The following ARHGEF19 variants were observed in gnomAD, a reference collection of about 807,000 sequenced individuals.
The protein encoded by ARHGEF19 is Rho guanine nucleotide exchange factor (GEF) 19.
ARHGEF19 carries 92 observed loss-of-function variants against 87.6 expected under a neutral mutation model. The observed-to-expected ratio is 1.05, with a 90% CI of 0.89 to 1.25. The LOEUF (loss-of-function observed/expected upper bound fraction) is 1.25. Ranked by LOEUF, ARHGEF19 falls within the 50% of genes most tolerant of loss-of-function variation. The probability of loss-of-function intolerance (pLI) is 0.00; values close to 1 mark genes in which losing one functional copy is unlikely to be tolerated. For missense variants in ARHGEF19, 1,054 were observed against 1,051.8 expected (o/e 1.00, Z -0.03); for synonymous variants, 438 against 446.2 (o/e 0.98, Z 0.23).
Position 16,206,645 on chromosome 1 carries a change from G to A in ARHGEF19, c.1137+303C>T, listed in dbSNP as rs2100280986. 2.4e-6 allele frequency: 1 copy of A among 409,672 alleles called. No homozygotes were observed. Among genetic ancestry groups the A allele is most frequent in the East Asian group, 4.9e-5 (1 of 20,480 alleles). The allele number at this position is 409,672 out of a possible 1,614,324, so 25.4% of individuals were successfully genotyped here. ...CCGCCTTGTTCCGCGCCCACCAGGC[G>A]TTTGCTCTTCCAATGGTTCCGCTCC... is the stretch of plus-strand genomic sequence containing the variant. On this transcript the variant is annotated intron_variant, in intron 6 of 15. Transcript: ENST00000270747. This position sits in a 1 kb window ranked among gnomAD's most constrained non-coding sequence, Gnocchi z 4.6.
chr1:16,205,360 C>T lies in ARHGEF19; in HGVS notation c.1647G>A (p.Ala549=), dbSNP rs150897805. Residue 549 remains alanine (A), a synonymous_variant, in exon 10 of 16, where the codon GCG becomes GCA. Transcript: ENST00000270747. This position sits in a 1 kb window ranked among gnomAD's most constrained non-coding sequence, Gnocchi z 5.8. ...GCCCTGCCCAGCTCACCTCCTTGAGCGCATTGAAGGCCTTGGTGGCCATGT... is the reference window on the plus strand; with the variant it reads ...GCCCTGCCCAGCTCACCTCCTTGAGTGCATTGAAGGCCTTGGTGGCCATGT... ...DEDMATKAFN[A]LKELVQECNA... The T allele has an allele frequency of 7.4e-5, 120 of 1,613,728 alleles. 1 individual carries two copies. Among genetic ancestry groups the T allele is most frequent in the Middle Eastern group, 4.9e-4 (3 of 6,076 alleles).
At position 16,208,649 on chromosome 1, in the gene ARHGEF19, ACTT is replaced by A. The variant is rs756719819; in HGVS notation, c.403_405del (p.Lys135del). 7.6e-5 allele frequency: 121 copies of A among 1,602,434 alleles called. No individual in the cohort carries two copies. The highest frequency in any genetic ancestry group is 9.6e-5 in the Non-Finnish European group (113 of 1,176,374). On this transcript the variant is annotated inframe_deletion, in exon 2 of 16. Coordinates refer to ENST00000270747, the MANE Select transcript of ARHGEF19 (RefSeq NM_153213.5). Reference sequence around the variant, plus strand: ...CTTCCCCAGGGTGACTCACAGGCAGACTTCTTCTCCGAGCCGTGGCTGGCCCGG... The same window carrying A: ...CTTCCCCAGGGTGACTCACAGGCAGACTTCTCCGAGCCGTGGCTGGCCCGG...
chr1:16,208,618 AC>A, intron 2 of ARHGEF19, 24 bp downstream of exon 2: 1 of 1,572,808 alleles, frequency 6.4e-7, no homozygotes, highest in Non-Finnish European at 8.6e-7. Flanking sequence ...TGGCACCCAC[AC>A]CCGCCTTCCC....
Position 16,207,451 on chromosome 1 carries a change from C to G in ARHGEF19, c.874+71G>C. ...TCCCTACCTCTCAACTCTCCAAACC[C>G]TCTTTTCCCCGTTTCCACACCGCAG... On this transcript the variant is annotated intron_variant, in intron 5 of 15. Transcript: ENST00000270747. The surrounding 1 kb of genome is among the most constrained non-coding windows in gnomAD (Gnocchi z 4.0). The G allele has an allele frequency of 6.3e-7, 1 of 1,583,346 alleles. No homozygotes were observed. The highest frequency in any genetic ancestry group is 1.7e-5 in the Admixed American group (1 of 58,764).
Position 16,206,477 on chromosome 1 carries a change from G to A in ARHGEF19, c.1138-137C>T. 2 of 938,388 alleles carry A rather than the reference G, an allele frequency of 2.1e-6. No homozygotes were observed. The highest frequency in any genetic ancestry group is 3.2e-6 in the Non-Finnish European group (2 of 620,544). The allele number at this position is 938,388 out of a possible 1,614,324, so 58.1% of individuals were successfully genotyped here. On this transcript the variant is annotated intron_variant, in intron 6 of 15. Transcript: ENST00000270747. The surrounding 1 kb of genome is among the most constrained non-coding windows in gnomAD (Gnocchi z 4.6). The stretch of plus-strand genomic sequence containing the variant: ...TAGCCCCACTCCTAATCTGGCGCCG[G>A]GCGGGCCCGGCGACCCACGTCCCGC...
intron 1 of ARHGEF19, among the ~76,000 whole-genome samples, chr1:16,211,801 CAGAA>C (rs2081199126): frequency 6.6e-6 from 1 of 152,204 alleles, no homozygotes; most frequent in Non-Finnish European, 1.5e-5. Context: ...ACAAAAACCT[CAGAA>C]AGAGAACTGG....
intron 14 of ARHGEF19, among the ~76,000 whole-genome samples, chr1:16,201,333 C>A (rs1360609987): frequency 6.6e-6 from 1 of 152,192 alleles, no homozygotes; most frequent in Non-Finnish European, 1.5e-5. Flanking sequence ...AAAGGAAAAA[C>A]CTTTATTCCA....
chr1:16,202,468 G>C lies in ARHGEF19; in HGVS notation c.2014C>G (p.Leu672Val). 2.5e-6 allele frequency: 4 copies of C among 1,614,188 alleles called. No homozygotes were observed. The highest frequency in any genetic ancestry group is 3.4e-6 in the Non-Finnish European group (4 of 1,180,032). The change falls in exon 13 of 16, where the codon CTC (leucine) becomes GTC (valine). Residue 672 changes from leucine (L) to valine (V), a missense_variant. Transcript: ENST00000270747. ...TGCTTCATGTGCTGCCCGTGGAGGA[G>C]CTGGAGGAGGAACACGTGGCCGGGG... ...GIPGHVFLLQ[L>V]LHGQHMKHQF... is the part of the protein sequence containing the mutation.
chr1:16,207,734 C>G lies in ARHGEF19; in HGVS notation c.738G>C (p.Gly246=). The G allele has an allele frequency of 6.2e-7, 1 of 1,613,998 alleles. No homozygotes were observed. The highest frequency in any genetic ancestry group is 8.5e-7 in the Non-Finnish European group (1 of 1,180,016). Residue 246 remains glycine (G), a synonymous_variant, in exon 4 of 16, where the codon GGG becomes GGC. Transcript: ENST00000270747. The surrounding 1 kb of genome is among the most constrained non-coding windows in gnomAD (Gnocchi z 4.0). ...GMEARSVEMS[G]DRVSRPAPGD... is the part of the protein sequence containing the mutation. ...CAGGGGCTGGCCGCGACACCCGGTC[C>G]CCGCTCATCTCTACACTTCGAGCCT...
chr1:16,201,982 TAGGGACC>T (rs558074200), intron 13 of ARHGEF19, 121 bp from the exon 14 acceptor site: 1 of 69,078 alleles, frequency 1.4e-5, no homozygotes. Flanking sequence ...AGGCCTACCC[TAGGGACC>T]CATGTCTGCC....
chr1:16,205,228 A>G lies in ARHGEF19; in HGVS notation c.1657-52T>C, dbSNP rs2081117183. ...GCAGCCCCTCAGCTCCGGCTCCCAG[A>G]GCCCAGCCTCAGACTCTTGCCTGGG... is the stretch of plus-strand genomic sequence containing the variant. On this transcript the variant is annotated intron_variant, in intron 10 of 15. Coordinates refer to ENST00000270747, the MANE Select transcript of ARHGEF19 (RefSeq NM_153213.5). This position sits in a 1 kb window ranked among gnomAD's most constrained non-coding sequence, Gnocchi z 5.8. 6.3e-7 allele frequency: 1 copy of G among 1,594,120 alleles called. No individual in the cohort carries two copies. The highest frequency in any genetic ancestry group is 1.8e-5 in the Admixed American group (1 of 56,152).
At chr1:16,208,569 G>A in intron 2 of ARHGEF19, 74 bp downstream of exon 2, 2 of 1,487,352 alleles carry the variant, frequency 1.3e-6, no homozygotes, top group Admixed American at 5.4e-5. Context: ...GGACATAAAG[G>A]TTAAGGAGCT....
At chr1:16,211,835 T>C (rs1231330640) in intron 1 of ARHGEF19, among the ~76,000 whole-genome samples, 1 of 152,140 alleles carries the variant, frequency 6.6e-6, no homozygotes, top group Admixed American at 6.5e-5. Flanking sequence ...GCAGGGACAT[T>C]ACCTTCCCAA....
At chr1:16,211,219 G>T (rs2081194181) in intron 1 of ARHGEF19, among the ~76,000 whole-genome samples, 1 of 152,254 alleles carries the variant, frequency 6.6e-6, no homozygotes, top group East Asian at 1.9e-4. Flanking sequence ...AGATGAAGGA[G>T]TGAGGCTGAG....
chr1:16,205,657 G>A lies in ARHGEF19; in HGVS notation c.1462C>T (p.Pro488Ser), dbSNP rs2081123567. Residue 488 changes from proline to serine, a missense_variant, in exon 9 of 16, where the codon CCC (proline) becomes TCC (serine). Pro to Ser is a moderately conservative substitution (Grantham distance 74, BLOSUM62 -1). Transcript: ENST00000270747. The surrounding 1 kb of genome is among the most constrained non-coding windows in gnomAD (Gnocchi z 5.8). ...CGAGCCAGGATGCCAGGGAACCTGG[G>A]GTTCTCCAGGCTGGAAAATGGGGAG... ...RTYQRLLLEN[P>S]RFPGILARLE... 6 of 1,608,738 alleles carry A rather than the reference G, an allele frequency of 3.7e-6. No individual in the cohort carries two copies. The highest frequency in any genetic ancestry group is 5.1e-6 in the Non-Finnish European group (6 of 1,178,136).
Position 16,207,112 on chromosome 1 carries a change from C to T in ARHGEF19, c.973G>A (p.Glu325Lys), listed in dbSNP as rs765092083. The T allele has an allele frequency of 1.3e-6, 2 of 1,517,170 alleles. No individual in the cohort carries two copies. Among genetic ancestry groups the T allele is most frequent in the South Asian group, 1.2e-5 (1 of 81,370 alleles). The allele number at this position is 1,517,170 out of a possible 1,614,324, so 94.0% of individuals were successfully genotyped here. A position where few individuals can be genotyped will look rare whatever the true frequency, so the allele number is the denominator to read the frequency against. The part of the protein sequence containing the change: ...EGPGDEAEGA[E>K]EGPGPPRANL... ...GCCCGCGGCGGCCCCGGCCCCTCCT[C>T]TGCGCCCTCGGCCTCGTCCCCCGGG... Residue 325 changes from glutamate (E) to lysine (K), a missense_variant, in exon 6 of 16, where the codon GAG (glutamate) becomes AAG (lysine). Glu to Lys is a moderately conservative substitution (Grantham distance 56). Coordinates refer to ENST00000270747, the MANE Select transcript of ARHGEF19 (RefSeq NM_153213.5). This position sits in a 1 kb window ranked among gnomAD's most constrained non-coding sequence, Gnocchi z 4.0.
chr1:16,206,610 G>C lies in ARHGEF19; in HGVS notation c.1138-270C>G, dbSNP rs221054. The C allele has an allele frequency of 0.34, 122,656 of 359,922 alleles. 17,215 individuals carry two copies. Among genetic ancestry groups the C allele is most frequent in the Admixed American group, 0.48 (10,525 of 21,704 alleles). The allele number at this position is 359,922 out of a possible 1,614,324, so 22.3% of individuals were successfully genotyped here. ...CGCCCACCCCCCAGGTCCCGCCCCTGATCCTGGCCCCGCCTTGTTCCGCGC... is the reference window on the plus strand; with the variant it reads ...CGCCCACCCCCCAGGTCCCGCCCCTCATCCTGGCCCCGCCTTGTTCCGCGC... On this transcript the variant is annotated intron_variant, in intron 6 of 15. Coordinates refer to ENST00000270747, the MANE Select transcript of ARHGEF19 (RefSeq NM_153213.5). This position sits in a 1 kb window ranked among gnomAD's most constrained non-coding sequence, Gnocchi z 4.6.
At position 16,201,955 on chromosome 1, in the gene ARHGEF19, G is replaced by A. The variant is rs568051462; in HGVS notation, c.2067-94C>T. ...CAAGGCTGGGGGAGCCAGACATGAT[G>A]TCCAGGCCTAGGACCCAGGCCTACC... On this transcript the variant is annotated intron_variant, in intron 13 of 15. Coordinates refer to ENST00000270747, the MANE Select transcript of ARHGEF19 (RefSeq NM_153213.5). 1.4e-3 allele frequency: 1,923 copies of A among 1,354,854 alleles called. 25 individuals are homozygous for A. In the South Asian group the frequency reaches 0.015, roughly 11 times the overall value. The allele number at this position is 1,354,854 out of a possible 1,614,324, so 83.9% of individuals were successfully genotyped here. A position where few individuals can be genotyped will look rare whatever the true frequency, so the allele number is the denominator to read the frequency against.
chr1:16,205,540 C>T lies in ARHGEF19; in HGVS notation c.1579G>A (p.Glu527Lys), dbSNP rs1275906028. The change falls in exon 9 of 16, where the codon GAG becomes AAG. Residue 527 changes from glutamate to lysine, a missense_variant and splice_region_variant. Coordinates refer to ENST00000270747, the MANE Select transcript of ARHGEF19 (RefSeq NM_153213.5). The surrounding 1 kb of genome is among the most constrained non-coding windows in gnomAD (Gnocchi z 5.8). Reference sequence around the variant, plus strand: ...TGTGGCCTGTCCCCTCGAGGTACCTCCACCAACATCTTGAGGCGGGTGATC... The same window carrying T: ...TGTGGCCTGTCCCCTCGAGGTACCTTCACCAACATCTTGAGGCGGGTGATC... ...QRITRLKMLV[E>K]NILKRTAQGS... The T allele has an allele frequency of 6.2e-7, 1 of 1,614,086 alleles. No homozygotes were observed. The highest frequency in any genetic ancestry group is 1.3e-5 in the African/African-American group (1 of 75,032).
Sources: allele counts gnomAD v4.1 joint callset (sites outside exome capture counted in the v4.1 genomes callset), GRCh38; gene constraint gnomAD v4.1.1; non-coding constraint Gnocchi (gnomAD v3.1); transcripts MANE v1.5; gene names NCBI Gene and HGNC (gene_info 2026-07-23, HGNC 2026-07-21).